FUBP3: variants seen among roughly 807,000 people sequenced by gnomAD.
The protein encoded by FUBP3 is far upstream element-binding protein 3.
A neutral mutation model predicts 85.6 loss-of-function variants in FUBP3; 28 were observed. The observed-to-expected ratio is 0.33, with a 90% CI of 0.24 to 0.45. The LOEUF (loss-of-function observed/expected upper bound fraction) is 0.45. Among genes scored for constraint, FUBP3 ranks in the 20% least tolerant of loss-of-function variants. The pLI is 1.00. For synonymous variants in FUBP3, 271 were observed against 271.4 expected (o/e 1.00, Z 0.01); for missense variants, 583 against 755.1 (o/e 0.77, Z 2.67).
intron 12 of FUBP3, among the ~76,000 whole-genome samples, chr9:130,629,933 G>A (rs959195550): frequency 2.6e-5 from 4 of 152,188 alleles, no homozygotes; most frequent in Non-Finnish European, 2.9e-5. Flanking sequence ...CTTTTATTAC[G>A]CAAATTTCAT....
intron 1 of FUBP3, among the ~76,000 whole-genome samples, chr9:130,585,673 G>A (rs561093518): frequency 6.6e-6 from 1 of 152,278 alleles, no homozygotes; most frequent in African/African-American, 2.4e-5. Context: ...GGTGTGTTTC[G>A]TAAATGTCCT....
chr9:130,635,894 C>CT lies in FUBP3; in HGVS notation c.1583-103dup. 2 of 1,220,828 alleles carry CT rather than the reference C, an allele frequency of 1.6e-6. No individual in the cohort carries two copies. The highest frequency in any genetic ancestry group is 2.8e-5 in the South Asian group (2 of 70,586). The allele number at this position is 1,220,828 out of a possible 1,614,324, so 75.6% of individuals were successfully genotyped here. A position where few individuals can be genotyped will look rare whatever the true frequency, so the allele number is the denominator to read the frequency against. ...CTCACTGCCTCCCAGACCTCCCTGC[C>CT]TTCCAGCCGTCCGGAGGGAGAGCAG... is the stretch of plus-strand genomic sequence containing the variant. On this transcript the variant is annotated intron_variant, in intron 17 of 18. Coordinates refer to ENST00000319725, the MANE Select transcript of FUBP3 (RefSeq NM_003934.2). This position sits in a 1 kb window ranked among gnomAD's most constrained non-coding sequence, Gnocchi z 4.3.
At chr9:130,605,915 C>T (rs1461946452) in intron 2 of FUBP3, among the ~76,000 whole-genome samples, 2 of 152,106 alleles carry the variant, frequency 1.3e-5, no homozygotes, top group Admixed American at 6.5e-5. Flanking sequence ...ACCCGGGAGG[C>T]GGAGGTTGCA....
chr9:130,626,699 T>G (rs1018335539), intron 12 of FUBP3, among the ~76,000 whole-genome samples, 194 bp downstream of exon 12: 3 of 152,130 alleles, frequency 2.0e-5, no homozygotes, highest in African/African-American at 7.2e-5. Flanking sequence ...GGGCCTGTTG[T>G]GAGGAGCAAA....
intron 12 of FUBP3, among the ~76,000 whole-genome samples, chr9:130,629,060 C>T (rs548024686): frequency 1.7e-3 from 256 of 152,314 alleles, no homozygotes; most frequent in African/African-American, 5.9e-3. Context: ...TGAGCCACCG[C>T]GCCTGGCCAA....
rs1371560670 is a variant in FUBP3 at position 130,623,501 on chromosome 9, T to C, written c.875-110T>C. ...GTCCCTGCAGCTGGCAGTATTCCTG[T>C]TGCCCCTTTTGGCACCGCGGGTGAG... On this transcript the variant is annotated intron_variant, in intron 10 of 18. Transcript: ENST00000319725. 9.8e-6 allele frequency: 7 copies of C among 715,480 alleles called. No homozygotes were observed. The Admixed American group carries it at 1.0e-4, about 11-fold the overall frequency. The allele number at this position is 715,480 out of a possible 1,614,324, so 44.3% of individuals were successfully genotyped here.
chr9:130,616,396 G>T lies in FUBP3; in HGVS notation c.446G>T (p.Arg149Leu), dbSNP rs770458925. The change falls in exon 7 of 19, where the codon CGA becomes CTA. Residue 149 changes from arginine to leucine, a missense_variant. This residue lies in a region of FUBP3 where 177 missense variants were observed against 221.9 expected (regional missense o/e 0.80). Transcript: ENST00000319725. This position sits in a 1 kb window ranked among gnomAD's most constrained non-coding sequence, Gnocchi z 4.7. Reference protein sequence around the residue: ...RLLGQIVDRCRNGPGFHNDID... With the variant: ...RLLGQIVDRCLNGPGFHNDID... ...CTGGGACAGATTGTGGACCGCTGTC[G>T]AAATGGACCTGGCTTTCATAATGAC... 6.2e-7 allele frequency: 1 copy of T among 1,613,984 alleles called. No homozygotes were observed. The highest frequency in any genetic ancestry group is 1.3e-5 in the African/African-American group (1 of 74,892).
At chr9:130,596,608 C>A (rs1212477031) in intron 2 of FUBP3, 1 of 399,892 alleles carries the variant, frequency 2.5e-6, no homozygotes. Flanking sequence ...GTGATCCTCC[C>A]ACCTCGGCTT....
chr9:130,622,065 A>G (rs1365023245), intron 9 of FUBP3, among the ~76,000 whole-genome samples: 2 of 151,566 alleles, frequency 1.3e-5, no homozygotes, highest in African/African-American at 4.8e-5. Flanking sequence ...GCTCGCGCCC[A>G]TAATCCCAGC....
Position 130,584,150 on chromosome 9 carries a change from T to C in FUBP3, c.84+4386T>C, listed in dbSNP as rs116493345. On this transcript the variant is annotated intron_variant, in intron 1 of 18. Coordinates refer to ENST00000319725, the MANE Select transcript of FUBP3 (RefSeq NM_003934.2). ...TTTACTTAGACCACAGTTCTCAAAC[T>C]TGTGGCCTGTGAGCTATAGAAGACT... Among the ~76,000 whole-genome samples the C allele has an allele frequency of 8.4e-3, 1,280 of 152,300 alleles. 19 individuals carry two copies. The highest frequency in any genetic ancestry group is 0.029 in the African/African-American group (1,210 of 41,552).
chr9:130,629,518 C>A (rs977148678), intron 12 of FUBP3, among the ~76,000 whole-genome samples: 1 of 152,214 alleles, frequency 6.6e-6, no homozygotes, highest in Non-Finnish European at 1.5e-5. Flanking sequence ...TTGCAAGACG[C>A]CCTTGTGTCT....
chr9:130,609,332 T>A (rs1831623396), intron 2 of FUBP3, among the ~76,000 whole-genome samples: 1 of 152,072 alleles, frequency 6.6e-6, no homozygotes, highest in Non-Finnish European at 1.5e-5. Context: ...TGAAAGGCAG[T>A]TGCTCATTCT....
Position 130,635,796 on chromosome 9 carries a change from G to T in FUBP3, c.1583-203G>T. 1.7e-6 allele frequency: 1 copy of T among 585,516 alleles called. No individual in the cohort carries two copies. The highest frequency in any genetic ancestry group is 3.0e-6 in the Non-Finnish European group (1 of 330,348). The allele number at this position is 585,516 out of a possible 1,614,324, so 36.3% of individuals were successfully genotyped here. A position where few individuals can be genotyped will look rare whatever the true frequency, so the allele number is the denominator to read the frequency against. The stretch of plus-strand genomic sequence containing the variant: ...CAGGCGTGAGGATTGGTCTTCACAG[G>T]CATAGCAGGGGCCGGGCAACAAGAG... On this transcript the variant is annotated intron_variant, in intron 17 of 18. Transcript: ENST00000319725. This position sits in a 1 kb window ranked among gnomAD's most constrained non-coding sequence, Gnocchi z 4.3.
intron 9 of FUBP3, among the ~76,000 whole-genome samples, chr9:130,622,250 CAG>C (rs1407757318): frequency 2.0e-5 from 3 of 146,432 alleles, no homozygotes; most frequent in African/African-American, 7.7e-5. Context: ...GCTTGAACCT[CAG>C]GGGTGGAGGT....
In FUBP3 at chr9:130,636,141, A is replaced by T; in HGVS notation, c.1710+15A>T. 1 of 1,611,458 alleles carries T rather than the reference A, an allele frequency of 6.2e-7. No individual in the cohort carries two copies. Among genetic ancestry groups the T allele is most frequent in the African/African-American group, 1.3e-5 (1 of 75,022 alleles). ...CCCACAGCCAGGTCTGTAGCTGATC[A>T]CCAGCACCGCTGCCACTCCCTAGCC... is the stretch of plus-strand genomic sequence containing the variant. On this transcript the variant is annotated intron_variant, in intron 18 of 18. Transcript: ENST00000319725.
At chr9:130,588,769 G>T (rs1830458019) in intron 1 of FUBP3, among the ~76,000 whole-genome samples, 1 of 152,192 alleles carries the variant, frequency 6.6e-6, no homozygotes, top group Admixed American at 6.5e-5. Context: ...TAGGTAGTGG[G>T]ATGCAGGACT....
At chr9:130,604,768 C>T (rs969234729) in intron 2 of FUBP3, among the ~76,000 whole-genome samples, 6 of 151,966 alleles carry the variant, frequency 3.9e-5, no homozygotes, top group South Asian at 4.2e-4. Flanking sequence ...CATGGTGGTG[C>T]GCGCCTTTAG....
At chr9:130,615,001 T>G (rs908201000) in intron 6 of FUBP3, among the ~76,000 whole-genome samples, 14 of 152,206 alleles carry the variant, frequency 9.2e-5, no homozygotes. Context: ...TCCTTCAATC[T>G]ACGGAGCAGC....
chr9:130,600,125 C>T (rs1297552695), intron 2 of FUBP3, among the ~76,000 whole-genome samples: 2 of 135,520 alleles, frequency 1.5e-5, no homozygotes, highest in Non-Finnish European at 3.1e-5. Context: ...CCCTCCCTCC[C>T]TCTTTCCCCC....
Sources: gnomAD v4.1 joint callset for allele counts (sites outside exome capture counted in the v4.1 genomes callset) on GRCh38, gnomAD v4.1.1 for gene constraint, gnomAD v4.1.1 regional missense constraint, Gnocchi (gnomAD v3.1) non-coding constraint, MANE v1.5 for transcripts, NCBI Gene and HGNC (gene_info 2026-07-23, HGNC 2026-07-21) for gene names.